PWWP2A: variants seen among roughly 807,000 people sequenced by gnomAD.
The protein encoded by PWWP2A is PWWP domain-containing protein 2A.
In PWWP2A, 18 loss-of-function variants were observed where a neutral mutation model predicts 48.5. The ratio of observed to expected loss-of-function variants is 0.37; its 90% confidence interval spans 0.26 to 0.55. The LOEUF is 0.55. PWWP2A is among the 20% of genes least tolerant of loss of function. The pLI, the probability that PWWP2A is intolerant of heterozygous loss-of-function variation, is 0.81. For missense variants in PWWP2A, 867 were observed against 976.4 expected (o/e 0.89, Z 1.49); for synonymous variants, 396 against 387.7 (o/e 1.02, Z -0.25).
the PWWP2A span, among the ~76,000 whole-genome samples, chr5:160,050,169 T>C: frequency 6.6e-6 from 1 of 151,360 alleles, no homozygotes; most frequent in Admixed American, 6.6e-5. Context: ...ACCAACAGGC[T>C]GGGTGCAGTG....
Position 160,093,958 on chromosome 5 carries a change from A to G in PWWP2A, c.692T>C (p.Val231Ala). Residue 231 changes from valine (V) to alanine (A), a missense_variant, in exon 2 of 2, where the codon GTC (valine) becomes GCC (alanine). By Grantham distance (64) the Val-to-Ala change is moderately conservative (BLOSUM62 0). Coordinates refer to ENST00000307063, the MANE Select transcript of PWWP2A (RefSeq NM_001130864.2). The surrounding 1 kb of genome is among the most constrained non-coding windows in gnomAD (Gnocchi z 5.8). ...AACAGCACCATTTGCTTCACACTTG[A>G]CTTCTGTCCCTTCTTGGAATGTATT... ...QSNTFQEGTE[V>A]KCEANGAVPD... 1.2e-6 allele frequency: 2 copies of G among 1,613,986 alleles called. No homozygotes were observed. The highest frequency in any genetic ancestry group is 4.5e-5 in the East Asian group (2 of 44,874).
At position 160,119,263 on chromosome 5, in the gene PWWP2A, G is replaced by C; in HGVS notation, c.126C>G (p.Val42=). 2 of 1,405,014 alleles carry C rather than the reference G, an allele frequency of 1.4e-6. No individual in the cohort carries two copies. Among genetic ancestry groups the C allele is most frequent in the Non-Finnish European group, 1.8e-6 (2 of 1,089,776 alleles). 87.0% of individuals were successfully genotyped at this position (1,405,014 alleles called of 1,614,324 possible). Residue 42 remains valine (V), a synonymous_variant, in exon 1 of 2, where the codon GTC becomes GTG. Transcript: ENST00000307063. ...GSEAGTDPLP[V]TATEASVPDG... is the part of the protein sequence containing the mutation. ...CCGGCACAGACGCTTCAGTGGCCGT[G>C]ACCGGGAGGGGGTCAGTGCCGGCCT...
intron 2 of PWWP2A, among the ~76,000 whole-genome samples, chr5:160,086,108 C>T (rs1048975504): frequency 5.3e-5 from 8 of 152,168 alleles, no homozygotes; most frequent in Admixed American, 1.3e-4. Flanking sequence ...AGTGGGCCAT[C>T]GCGCCCGGCC....
In PWWP2A at chr5:160,119,179, C is replaced by T. The variant is rs747466330; in HGVS notation, c.210G>A (p.Pro70=). The change falls in exon 1 of 2, where the codon CCG becomes CCA. Residue 70 remains proline (P), a synonymous_variant. Transcript: ENST00000307063. The stretch of plus-strand genomic sequence containing the variant: ...CGAGCTCCCCCGGCGGCGGCGGTGG[C>T]GGCGGGAGCGGCGGCTCGTCGGCCT... The part of the protein sequence containing the change: ...APQADEPPLP[P]PPPPPGELAR... 6.8e-7 allele frequency: 1 copy of T among 1,481,454 alleles called. No individual in the cohort carries two copies. The highest frequency in any genetic ancestry group is 8.8e-7 in the Non-Finnish European group (1 of 1,130,598). 91.8% of individuals were successfully genotyped at this position (1,481,454 alleles called of 1,614,324 possible).
the PWWP2A span, among the ~76,000 whole-genome samples, chr5:160,046,238 G>A: frequency 6.6e-6 from 1 of 152,098 alleles, no homozygotes; most frequent in African/African-American, 2.4e-5. Flanking sequence ...TCTTGTAAAG[G>A]TCATCAGCAG....
intron 4 of PWWP2A, chr5:160,065,222 T>G: frequency 9.5e-7 from 1 of 1,047,586 alleles, no homozygotes; most frequent in Non-Finnish European, 1.4e-6. Flanking sequence ...TCTTTTATGA[T>G]CAGGGTGAAA....
chr5:160,063,871 G>A (rs75246882), intron 4 of PWWP2A, among the ~76,000 whole-genome samples: 158 of 151,882 alleles, frequency 1.0e-3, no homozygotes, highest in Admixed American at 1.6e-3. Flanking sequence ...TGAACTCCTG[G>A]GCTCAAACCC....
rs1454312512 is a variant in PWWP2A at position 160,092,027 on chromosome 5, C to CATAT, written c.*354_*355insATAT. The stretch of plus-strand genomic sequence containing the variant: ...ATACATACACGGATATATATATATA[C>CATAT]ACACACACACACGTATATATATGTA... On this transcript the variant is annotated 3_prime_UTR_variant, in exon 2 of 2. Transcript: ENST00000307063. The CATAT allele has an allele frequency of 7.2e-6, 2 of 278,866 alleles. No homozygotes were observed. Among genetic ancestry groups the CATAT allele is most frequent in the African/African-American group, 5.6e-5 (2 of 35,560 alleles). 17.3% of individuals were successfully genotyped at this position (278,866 alleles called of 1,614,324 possible).
rs533892532 is a variant in PWWP2A, at chr5:160,091,910, T to C, written c.*472A>G. ...ATTCCCCCAGCTCACCAAGCCCTTATTGCAATCCCAAATATGCAATCTGTG... is the reference window on the plus strand; with the variant it reads ...ATTCCCCCAGCTCACCAAGCCCTTACTGCAATCCCAAATATGCAATCTGTG... On this transcript the variant is annotated 3_prime_UTR_variant, in exon 2 of 2. Transcript: ENST00000307063. 3.9e-5 allele frequency: 38 copies of C among 984,410 alleles called. No individual in the cohort carries two copies. In the South Asian group the frequency reaches 9.4e-4, roughly 24 times the overall value. The allele number at this position is 984,410 out of a possible 1,614,324, so 61.0% of individuals were successfully genotyped here.
chr5:160,089,252 T>C (rs1178086794), downstream of PWWP2A, among the ~76,000 whole-genome samples: 1 of 152,186 alleles, frequency 6.6e-6, no homozygotes, highest in Non-Finnish European at 1.5e-5. Context: ...AGTGCAGTGG[T>C]GTGATCATAG....
intron 1 of PWWP2A, among the ~76,000 whole-genome samples, chr5:160,107,526 T>C (rs1581253406): frequency 6.6e-6 from 1 of 152,192 alleles, no homozygotes; most frequent in African/African-American, 2.4e-5. Flanking sequence ...TACTAACACA[T>C]CTTTCATTTT....
At chr5:160,097,711 G>GA (rs1179232903) in intron 1 of PWWP2A, among the ~76,000 whole-genome samples, 1 of 147,548 alleles carries the variant, frequency 6.8e-6, no homozygotes, top group Non-Finnish European at 1.5e-5. Flanking sequence ...TTTTTTGGGG[G>GA]GGGGGGCGGT....
At chr5:160,056,351 C>T in the PWWP2A span, among the ~76,000 whole-genome samples, 1 of 152,142 alleles carries the variant, frequency 6.6e-6, no homozygotes, top group South Asian at 2.1e-4. Context: ...TAAAGTCACT[C>T]AGTTGTTCAC....
At chr5:160,054,258 G>T in the PWWP2A span, among the ~76,000 whole-genome samples, 61 of 152,302 alleles carry the variant, frequency 4.0e-4, no homozygotes, top group South Asian at 0.012. Flanking sequence ...TGAGGAGCTA[G>T]TCATTGATGC....
intron 1 of PWWP2A, among the ~76,000 whole-genome samples, chr5:160,112,058 T>C (rs1329180194): frequency 7.0e-6 from 1 of 142,508 alleles, no homozygotes. Context: ...GCCCAGGAGG[T>C]TGAGGCTGCA....
chr5:160,065,357 T>C, intron 4 of PWWP2A: 1 of 531,594 alleles, frequency 1.9e-6, no homozygotes, highest in South Asian at 1.5e-5. Flanking sequence ...CTGACCTTCC[T>C]GATCATACAC....
At chr5:160,095,046 T>TC (rs1380286521) in intron 1 of PWWP2A, among the ~76,000 whole-genome samples, 6 of 5,638 alleles carry the variant, frequency 1.1e-3, no homozygotes, top group Non-Finnish European at 1.3e-3. Context: ...AGACTCTGTC[T>TC]CAAAAAAAAA....
the PWWP2A span, among the ~76,000 whole-genome samples, chr5:160,048,026 C>T: frequency 2.0e-5 from 3 of 147,300 alleles, no homozygotes; most frequent in African/African-American, 5.1e-5. Flanking sequence ...CTACATTGGA[C>T]GTATATATTA....
rs1291734077 is a variant in PWWP2A, at chr5:160,113,509, A to G, written c.584+5296T>C. ...GTACCATGCATAACGTCAAGCATAA[A>G]ATATGGAAGAAATTTATAAAAGCAA... On this transcript the variant is annotated intron_variant, in intron 1 of 1. Transcript: ENST00000307063. 2.6e-5 allele frequency among the ~76,000 whole-genome samples: 4 copies of G among 152,254 alleles called. No individual in the cohort carries two copies. In the East Asian group the frequency reaches 7.7e-4, roughly 29 times the overall value.
Sources: gnomAD v4.1 joint callset for allele counts (sites outside exome capture counted in the v4.1 genomes callset) on GRCh38, gnomAD v4.1.1 for gene constraint, Gnocchi (gnomAD v3.1) non-coding constraint, MANE v1.5 for transcripts, NCBI Gene and HGNC (gene_info 2026-07-23, HGNC 2026-07-21) for gene names.